PCGF3: variants seen among roughly 807,000 people sequenced by gnomAD.
PCGF3 encodes polycomb group RING finger protein 3.
In PCGF3, 7 loss-of-function variants were observed where a neutral mutation model predicts 33.1. The observed-to-expected ratio is 0.21, with a 90% CI of 0.12 to 0.40. PCGF3 has a LOEUF of 0.40. Among genes scored for constraint, PCGF3 ranks in the 10% least tolerant of loss-of-function variants. PCGF3 has a pLI of 1.00. For synonymous variants in PCGF3, 153 were observed against 121.3 expected (o/e 1.26, Z -1.72); for missense variants, 211 against 313.3 (o/e 0.67, Z 2.46).
intron 6 of PCGF3, among the ~76,000 whole-genome samples, chr4:742,275 T>C (rs1744128765): frequency 6.6e-6 from 1 of 150,662 alleles, no homozygotes; most frequent in South Asian, 2.1e-4. Flanking sequence ...CGGGGCATCC[T>C]CCTCTCTGTC....
At chr4:725,985 C>T (rs1394465064) in intron 1 of PCGF3, among the ~76,000 whole-genome samples, 3 of 152,154 alleles carry the variant, frequency 2.0e-5, no homozygotes, top group Non-Finnish European at 4.4e-5. Flanking sequence ...GTCCCAGCCT[C>T]TTCCGAGCCA....
rs1420718757 is a variant in PCGF3, at chr4:720,445, G to A, written c.-189-10185G>A. Among the ~76,000 whole-genome samples, 2 of 152,312 alleles carry A rather than the reference G, an allele frequency of 1.3e-5. No individual in the cohort carries two copies. The highest frequency in any genetic ancestry group is 4.8e-5 in the African/African-American group (2 of 41,552). On this transcript the variant is annotated intron_variant, in intron 1 of 10. Transcript: ENST00000362003. The surrounding 1 kb of genome is among the most constrained non-coding windows in gnomAD (Gnocchi z 5.6). ...GGTGGGGCTGCCCGTCCAGAGAGGT[G>A]CAGGGTCTCTTGTCAGGTGGACAGG...
chr4:708,926 G>A lies in PCGF3; in HGVS notation c.-190+2956G>A, dbSNP rs371106321. On this transcript the variant is annotated intron_variant, in intron 1 of 10. Transcript: ENST00000362003. ...GAATTAAAGGATCCTGGTGGTGATCGGGCTGGGGACGGGGGTTGGTTTATT... is the reference window on the plus strand; with the variant it reads ...GAATTAAAGGATCCTGGTGGTGATCAGGCTGGGGACGGGGGTTGGTTTATT... 1.4e-4 allele frequency among the ~76,000 whole-genome samples: 21 copies of A among 152,302 alleles called. No individual in the cohort carries two copies. The South Asian group carries it at 2.7e-3, about 20-fold the overall frequency.
exon 11 of PCGF3, chr4:769,173 G>T (rs1560225855): frequency 6.5e-6 from 1 of 152,720 alleles, no homozygotes; most frequent in African/African-American, 2.4e-5. Context: ...CTGCCCCTGG[G>T]CAGGGCCATG....
chr4:766,338 G>C, exon 11 of PCGF3: 1 of 422,984 alleles, frequency 2.4e-6, no homozygotes, highest in Non-Finnish European at 4.3e-6. Flanking sequence ...CTTGCAGGGA[G>C]AGTGATGCTC....
chr4:732,805 G>A (rs1265900010), intron 3 of PCGF3, among the ~76,000 whole-genome samples: 4 of 152,234 alleles, frequency 2.6e-5, no homozygotes, highest in African/African-American at 9.6e-5. Flanking sequence ...AGTCCCAGTA[G>A]TGGGGTGCAC....
chr4:733,818 A>G, intron 4 of PCGF3, 29 bp downstream of exon 4: 2 of 1,613,634 alleles, frequency 1.2e-6, no homozygotes, highest in Non-Finnish European at 8.5e-7. Context: ...CCACCCAGGG[A>G]GGGCGCGCCC....
At position 713,622 on chromosome 4, in the gene PCGF3, T is replaced by A. The variant is rs190470413; in HGVS notation, c.-190+7652T>A. On this transcript the variant is annotated intron_variant, in intron 1 of 10. Coordinates refer to ENST00000362003, the Ensembl canonical transcript of PCGF3. ...TTTGTGCCTGTGTCTCCTGTCTGGGTCTTGTGAGCTGTCACATTTCCAGGT... is the reference window on the plus strand; with the variant it reads ...TTTGTGCCTGTGTCTCCTGTCTGGGACTTGTGAGCTGTCACATTTCCAGGT... Among the ~76,000 whole-genome samples the A allele has an allele frequency of 5.9e-5, 9 of 152,140 alleles. No individual in the cohort carries two copies. The East Asian group carries it at 1.7e-3, about 29-fold the overall frequency.
chr4:750,776 G>A (rs756353306), intron 8 of PCGF3, among the ~76,000 whole-genome samples: 2 of 152,160 alleles, frequency 1.3e-5, no homozygotes, highest in African/African-American at 2.4e-5. Flanking sequence ...CCGTGCTGCT[G>A]GCTATGCAGG....
At chr4:761,459 T>G (rs563360527) in intron 9 of PCGF3, 43 bp downstream of exon 9, 1 of 1,523,732 alleles carries the variant, frequency 6.6e-7, no homozygotes, top group South Asian at 1.2e-5. Context: ...AAGTCCTCTC[T>G]TATTTCTAAA....
rs1473092589 is a variant in PCGF3 at position 734,050 on chromosome 4, A to G, written c.109+261A>G. 2.6e-6 allele frequency: 4 copies of G among 1,550,576 alleles called. No homozygotes were observed. In the Admixed American group the frequency reaches 7.8e-5, roughly 30 times the overall value. Reference sequence around the variant, plus strand: ...AGACCCCACATTCCTCCCACGGAGCAGCAAGGCCAGTAGCCGCTGTGACAG... The same window carrying G: ...AGACCCCACATTCCTCCCACGGAGCGGCAAGGCCAGTAGCCGCTGTGACAG... On this transcript the variant is annotated intron_variant, in intron 4 of 10. Coordinates refer to ENST00000362003, the Ensembl canonical transcript of PCGF3.
intron 6 of PCGF3, among the ~76,000 whole-genome samples, chr4:739,791 C>T (rs1402087559): frequency 2.0e-5 from 3 of 152,216 alleles, no homozygotes; most frequent in South Asian, 2.1e-4. Context: ...CACCTCAGCA[C>T]GCTCTTGTCC....
intron 1 of PCGF3, among the ~76,000 whole-genome samples, chr4:722,664 CTGT>C (rs1257066144): frequency 1.3e-4 from 17 of 128,072 alleles, no homozygotes; most frequent in African/African-American, 4.2e-4. Flanking sequence ...GCGTCATCAC[CTGT>C]CTGCGCTGGG....
intron 9 of PCGF3, chr4:761,775 G>A (rs1745072811): frequency 4.1e-6 from 4 of 985,328 alleles, no homozygotes; most frequent in Non-Finnish European, 2.4e-6. Flanking sequence ...TCCAGGCTGT[G>A]GTGTGTAAGG....
rs117983871 is a variant in PCGF3 at position 722,966 on chromosome 4, G to A, written c.-189-7664G>A. 5.8e-4 allele frequency among the ~76,000 whole-genome samples: 85 copies of A among 147,350 alleles called. No individual in the cohort carries two copies. The East Asian group carries it at 0.016, about 28-fold the overall frequency. On this transcript the variant is annotated intron_variant, in intron 1 of 10. Transcript: ENST00000362003. ...ACTCGCGACATCGCCCGCCCGCGCCGGGTCCACACTCAGTCATCGCCCGTC... is the reference window on the plus strand; with the variant it reads ...ACTCGCGACATCGCCCGCCCGCGCCAGGTCCACACTCAGTCATCGCCCGTC...
rs1458393986 is a variant in PCGF3, at chr4:720,791, G to T, written c.-189-9839G>T. ...ATGGATGTGGTTCCGACGTGACTGC[G>T]CTGGCATGGGAAGCAGAGGGTGAGG... On this transcript the variant is annotated intron_variant, in intron 1 of 10. Transcript: ENST00000362003. This position sits in a 1 kb window ranked among gnomAD's most constrained non-coding sequence, Gnocchi z 5.6. 6.6e-6 allele frequency among the ~76,000 whole-genome samples: 1 copy of T among 152,142 alleles called. No homozygotes were observed. The highest frequency in any genetic ancestry group is 2.4e-5 in the African/African-American group (1 of 41,432).
intron 6 of PCGF3, among the ~76,000 whole-genome samples, chr4:738,200 C>T (rs945194475): frequency 6.6e-6 from 1 of 152,214 alleles, no homozygotes; most frequent in African/African-American, 2.4e-5. Context: ...GGCTGGTTCT[C>T]ACTGTATCTC....
chr4:760,050 C>G (rs577165780), intron 8 of PCGF3, among the ~76,000 whole-genome samples: 46 of 152,314 alleles, frequency 3.0e-4, no homozygotes, highest in African/African-American at 1.1e-3. Context: ...CGCTCCATCC[C>G]ACCCCGGAGC....
chr4:753,828 A>G (rs755008367), intron 8 of PCGF3, among the ~76,000 whole-genome samples: 5 of 150,680 alleles, frequency 3.3e-5, no homozygotes, highest in Admixed American at 6.6e-5. Context: ...GGTGCCTGTA[A>G]TCCCAGCTAC....
Sources: gnomAD v4.1 joint callset for allele counts (sites outside exome capture counted in the v4.1 genomes callset) on GRCh38, gnomAD v4.1.1 for gene constraint, Gnocchi (gnomAD v3.1) non-coding constraint, MANE v1.5 for transcripts, NCBI Gene and HGNC (gene_info 2026-07-23, HGNC 2026-07-21) for gene names.